CREBBP: variants seen among roughly 807,000 people sequenced by gnomAD.
CREBBP encodes the protein CREB-binding protein.
CREBBP carries 19 observed loss-of-function variants against 265.0 expected under a neutral mutation model. That is an observed-to-expected ratio of 0.07 (90% CI 0.05 to 0.11). The LOEUF (loss-of-function observed/expected upper bound fraction) is 0.11. CREBBP is among the 10% of genes least tolerant of loss of function. The probability of loss-of-function intolerance (pLI) is 1.00; values close to 1 mark genes in which losing one functional copy is unlikely to be tolerated. For synonymous variants in CREBBP, 1,457 were observed against 1,223.7 expected, an observed-to-expected ratio of 1.19 and a Z score of -3.98; for missense variants, 2,525 against 3,219.0, an observed-to-expected ratio of 0.78 and a Z score of 5.22.
chr16:3,845,082 T>G (rs1009420063), intron 2 of CREBBP, among the ~76,000 whole-genome samples: 3 of 152,170 alleles, frequency 2.0e-5, no homozygotes, highest in African/African-American at 7.2e-5. Flanking sequence ...TTTTTAAAAT[T>G]TGAAAAAAAG....
chr16:3,818,123 G>C (rs1355512199), intron 2 of CREBBP, among the ~76,000 whole-genome samples: 1 of 151,984 alleles, frequency 6.6e-6, no homozygotes, highest in Non-Finnish European at 1.5e-5. Context: ...CTCACAAGAA[G>C]GGGTTGACCA....
chr16:3,754,246 G>A (rs983802847), intron 19 of CREBBP, among the ~76,000 whole-genome samples: 2 of 152,174 alleles, frequency 1.3e-5, no homozygotes, highest in African/African-American at 4.8e-5. Flanking sequence ...TTACTGTTCT[G>A]AGAGAGGAAG....
chr16:3,830,987 C>T (rs116442144), intron 2 of CREBBP, among the ~76,000 whole-genome samples: 1,679 of 152,252 alleles, frequency 0.011, 27 homozygotes, highest in African/African-American at 0.038. Flanking sequence ...CAGGTTTCAC[C>T]ACGTTGGCCA....
intron 3 of CREBBP, among the ~76,000 whole-genome samples, chr16:3,807,178 T>A (rs2053847171): frequency 6.6e-6 from 1 of 152,160 alleles, no homozygotes; most frequent in Non-Finnish European, 1.5e-5. Context: ...ACAAATTAAT[T>A]GAATGATCAT....
intron 2 of CREBBP, among the ~76,000 whole-genome samples, chr16:3,814,483 T>C (rs2054001220): frequency 6.6e-6 from 1 of 152,126 alleles, no homozygotes; most frequent in South Asian, 2.1e-4. Flanking sequence ...CTCAAACTCC[T>C]GGCCTCAAGT....
intron 2 of CREBBP, among the ~76,000 whole-genome samples, chr16:3,849,438 TGTGTGTGTGTGTGTGTG>T (rs2054760409): frequency 5.5e-4 from 7 of 12,778 alleles, no homozygotes; most frequent in Admixed American, 3.6e-3. Context: ...TGTGTGTGTG[TGTGTGTGTGTGTGTGTG>T]TGTGTGTGTG....
chr16:3,871,715 G>C lies in CREBBP; in HGVS notation c.85+8117C>G, dbSNP rs2055303277. Among the ~76,000 whole-genome samples the C allele has an allele frequency of 5.9e-5, 9 of 152,298 alleles. 1 individual carries two copies. The South Asian group carries it at 1.9e-3, about 32-fold the overall frequency. ...GTTTTAATAAGAAAAATCCAAACTA[G>C]GGGGAGGAGAAGCAGCTTGTGAATT... On this transcript the variant is annotated intron_variant, in intron 1 of 30. Transcript: ENST00000262367.
rs367649484 is a variant in CREBBP, at chr16:3,802,568, T to A, written c.975+8035A>T. Among the ~76,000 whole-genome samples the A allele has an allele frequency of 3.3e-5, 5 of 152,280 alleles. No individual in the cohort carries two copies. The East Asian group carries it at 7.7e-4, about 23-fold the overall frequency. ...CTATGCTAAGGACATAACAGAGATG[T>A]GCATACAGAATGTGGATAATAACGC... On this transcript the variant is annotated intron_variant, in intron 3 of 30. Coordinates refer to ENST00000262367, the MANE Select transcript of CREBBP (RefSeq NM_004380.3).
intron 2 of CREBBP, among the ~76,000 whole-genome samples, chr16:3,849,431 GTGTGTGTGTGTGTGTGTGT>G (rs2054753436): frequency 0.013 from 181 of 14,456 alleles, 7 homozygotes; most frequent in East Asian, 0.086. Context: ...GTGTGTGTGT[GTGTGTGTGTGTGTGTGTGT>G]GTGTGTGTGT....
rs757320941 is a variant in CREBBP at position 3,731,231 on chromosome 16, C to T, written c.5133G>A (p.Lys1711=). 19 of 1,613,998 alleles carry T rather than the reference C, an allele frequency of 1.2e-5. No individual in the cohort carries two copies. Among genetic ancestry groups the T allele is most frequent in the Non-Finnish European group, 1.5e-5 (18 of 1,180,016 alleles). ...DRFVYTCNEC[K]HHVETRWHCT... is the part of the protein sequence containing the mutation. ...AGTGCCAGCGCGTCTCCACGTGGTG[C>T]TTGCACTCGTTGCAGGTGTAGACAA... Residue 1711 remains lysine (K), a synonymous_variant, in exon 30 of 31, where the codon AAG becomes AAA. Coordinates refer to ENST00000262367, the MANE Select transcript of CREBBP (RefSeq NM_004380.3). The surrounding 1 kb of genome is among the most constrained non-coding windows in gnomAD (Gnocchi z 7.7).
chr16:3,748,402 GA>G (rs1255874138), intron 21 of CREBBP, among the ~76,000 whole-genome samples: 1 of 152,252 alleles, frequency 6.6e-6, no homozygotes, highest in African/African-American at 2.4e-5. Context: ...ATGGTCATGA[GA>G]GGGGTGGGCG....
rs2079404931 is a variant in CREBBP, at chr16:3,725,536, C to G, written c.*2182G>C. The G allele has an allele frequency of 4.3e-6, 1 of 233,172 alleles. No individual in the cohort carries two copies. Among genetic ancestry groups the G allele is most frequent in the Non-Finnish European group, 8.5e-6 (1 of 118,046 alleles). The allele number at this position is 233,172 out of a possible 1,614,324, so 14.4% of individuals were successfully genotyped here. ...AGGACACTGGAGGTTAAGAACCCAG[C>G]AGGCCGAGCAGTGGCAGCAATCTCC... is the stretch of plus-strand genomic sequence containing the variant. On this transcript the variant is annotated 3_prime_UTR_variant, in exon 31 of 31. Transcript: ENST00000262367.
chr16:3,862,206 T>G (rs1351947171), intron 1 of CREBBP, among the ~76,000 whole-genome samples: 1 of 152,100 alleles, frequency 6.6e-6, no homozygotes, highest in African/African-American at 2.4e-5. Flanking sequence ...AGGAAAGGCT[T>G]CAAATAAGAG....
At chr16:3,759,039 A>AAAACGGAATCCTGGCTGCTG (rs1423693995) in intron 16 of CREBBP, 67 bp from the exon 17 acceptor site, 2 of 1,245,716 alleles carry the variant, frequency 1.6e-6, no homozygotes, top group Admixed American at 1.7e-5. Flanking sequence ...CCTCACATTT[A>AAAACGGAATCCTGGCTGCTG]AAACGGAATC....
intron 3 of CREBBP, among the ~76,000 whole-genome samples, chr16:3,797,345 G>C (rs2053627852): frequency 6.6e-6 from 1 of 152,098 alleles, no homozygotes; most frequent in Non-Finnish European, 1.5e-5. Flanking sequence ...CTTAAGTCCA[G>C]AAACAGACAT....
At chr16:3,750,690 AG>A (rs1331724151) in intron 20 of CREBBP, among the ~76,000 whole-genome samples, 1 of 152,264 alleles carries the variant, frequency 6.6e-6, no homozygotes, top group Non-Finnish European at 1.5e-5. Context: ...ACAAAGTCAT[AG>A]CTGTCCACTT....
chr16:3,799,596 A>C (rs2053673247), intron 3 of CREBBP, among the ~76,000 whole-genome samples: 1 of 152,252 alleles, frequency 6.6e-6, no homozygotes, highest in African/African-American at 2.4e-5. Flanking sequence ...GTATGTTAAA[A>C]TATGTGTGCA....
intron 18 of CREBBP, 134 bp from the exon 19 acceptor site, chr16:3,757,510 G>C (rs2052615116): frequency 6.5e-6 from 6 of 918,542 alleles, no homozygotes; most frequent in Non-Finnish European, 1.0e-5. Context: ...AATTTTAGTA[G>C]CTTTAAAGAC....
intron 17 of CREBBP, among the ~76,000 whole-genome samples, 199 bp downstream of exon 17, chr16:3,758,655 G>A (rs1449811498): frequency 1.3e-5 from 2 of 152,116 alleles, no homozygotes; most frequent in African/African-American, 4.8e-5. Flanking sequence ...CCTCCTCCAA[G>A]GACCAGGGCT....
Sources: allele counts gnomAD v4.1 joint callset (sites outside exome capture counted in the v4.1 genomes callset), GRCh38; gene constraint gnomAD v4.1.1; non-coding constraint Gnocchi (gnomAD v3.1); transcripts MANE v1.5; gene names NCBI Gene and HGNC (gene_info 2026-07-23, HGNC 2026-07-21).